Variants in CATSPERG observed in about 807,000 individuals in gnomAD.
CATSPERG encodes the protein catsper channel auxiliary subunit gamma.
A neutral mutation model predicts 145.0 loss-of-function variants in CATSPERG; 115 were observed. That is an observed-to-expected ratio of 0.79 (90% CI 0.68 to 0.93). The LOEUF (loss-of-function observed/expected upper bound fraction) is 0.93, where lower values mean the gene tolerates loss of function less well. Among genes scored for constraint, CATSPERG ranks in the 40% least tolerant of loss-of-function variants. The probability of loss-of-function intolerance (pLI) is 0.00; values close to 1 mark genes in which losing one functional copy is unlikely to be tolerated. For synonymous variants in CATSPERG, 588 were observed against 589.0 expected (o/e 1.00, Z 0.02); for missense variants, 1,296 against 1,490.1 (o/e 0.87, Z 2.14).
At chr19:38,346,661 G>A in intron 7 of CATSPERG, 56 bp downstream of exon 7, 1 of 1,483,854 alleles carries the variant, frequency 6.7e-7, no homozygotes, top group South Asian at 1.3e-5. Flanking sequence ...CTGGGCCTCA[G>A]CCCCTGAAAT....
intron 7 of CATSPERG, 57 bp downstream of exon 7, chr19:38,346,662 C>G: frequency 2.7e-6 from 4 of 1,477,774 alleles, no homozygotes; most frequent in Non-Finnish European, 3.7e-6. Flanking sequence ...TGGGCCTCAG[C>G]CCCTGAAATA....
intron 20 of CATSPERG, 151 bp downstream of exon 20, chr19:38,362,983 C>T (rs763308051): frequency 1.3e-5 from 8 of 620,412 alleles, no homozygotes; most frequent in African/African-American, 1.9e-5. Flanking sequence ...AGCGATCCTC[C>T]TCCCTCAACC....
chr19:38,359,546 C>T lies in CATSPERG; in HGVS notation c.1573C>T (p.Arg525Cys), dbSNP rs778201417. 1.9e-5 allele frequency: 31 copies of T among 1,613,540 alleles called. No homozygotes were observed. Among genetic ancestry groups the T allele is most frequent in the Non-Finnish European group, 2.5e-5 (29 of 1,179,720 alleles). The change falls in exon 14 of 29, where the codon CGT (arginine) becomes TGT (cysteine). Residue 525 changes from arginine (R) to cysteine (C), a missense_variant. Arg to Cys is a radical substitution (Grantham distance 180). Transcript: ENST00000409235. Reference sequence around the variant, plus strand: ...CATCAAATACATGGCCAGATCGTTCCGTGGGGCTGTGGCTATTGTCACAGA... The same window carrying T: ...CATCAAATACATGGCCAGATCGTTCTGTGGGGCTGTGGCTATTGTCACAGA... The part of the protein sequence containing the change: ...LSIKYMARSF[R>C]GAVAIVTETE...
chr19:38,337,678 T>A, intron 3 of CATSPERG, 32 bp downstream of exon 3: 2 of 1,521,278 alleles, frequency 1.3e-6, no homozygotes, highest in Non-Finnish European at 1.8e-6. Flanking sequence ...AGGCTCATTC[T>A]ATGAGCCTTG....
chr19:38,369,476 G>T lies in CATSPERG; in HGVS notation c.3021-496G>T, dbSNP rs1196411254. ...GGGTTTCACCATATTGGTCAGTCTG[G>T]TCTTGAACTCCTGACCTCAAGTGAT... is the stretch of plus-strand genomic sequence containing the variant. On this transcript the variant is annotated intron_variant, in intron 26 of 28. Transcript: ENST00000409235. The T allele has an allele frequency of 1.8e-5, 4 of 227,080 alleles. No homozygotes were observed. In the Admixed American group the frequency reaches 2.1e-4, roughly 12 times the overall value. 14.1% of individuals were successfully genotyped at this position (227,080 alleles called of 1,614,324 possible).
intron 1 of CATSPERG, 71 bp from the exon 2 acceptor site, chr19:38,337,150 C>G (rs1228192686): frequency 1.2e-5 from 18 of 1,506,680 alleles, no homozygotes; most frequent in Non-Finnish European, 1.5e-5. Flanking sequence ...GGCGCAGAAG[C>G]GAGGTGGAAT....
intron 18 of CATSPERG, 21 bp from the exon 19 acceptor site, chr19:38,362,355 C>T: frequency 1.9e-6 from 3 of 1,613,998 alleles, no homozygotes; most frequent in South Asian, 1.1e-5. Context: ...CTGACTCTGC[C>T]CCGCGCATCC....
At chr19:38,340,664 G>A (rs1261993865) in intron 3 of CATSPERG, among the ~76,000 whole-genome samples, 2 of 151,956 alleles carry the variant, frequency 1.3e-5, no homozygotes, top group African/African-American at 4.8e-5. Flanking sequence ...CTGTCACCCA[G>A]GCTGAAATGC....
chr19:38,359,052 G>T (rs569012221), intron 13 of CATSPERG, among the ~76,000 whole-genome samples: 2 of 152,156 alleles, frequency 1.3e-5, no homozygotes, highest in African/African-American at 4.8e-5. Flanking sequence ...GTTTCACCAT[G>T]TTGGGCAGGC....
intron 14 of CATSPERG, 114 bp from the exon 15 acceptor site, chr19:38,360,373 TGA>T: frequency 6.7e-7 from 1 of 1,484,126 alleles, no homozygotes; most frequent in Non-Finnish European, 8.9e-7. Context: ...CCAGTGGAGG[TGA>T]GTTTCCAAAC....
At chr19:38,368,009 C>A (rs1473203372) in intron 25 of CATSPERG, 39 bp from the exon 26 acceptor site, 1 of 1,587,170 alleles carries the variant, frequency 6.3e-7, no homozygotes, top group Non-Finnish European at 8.6e-7. Context: ...CCCTACACCG[C>A]CCCCCAACCC....
At chr19:38,360,266 G>A (rs1970321288) in intron 14 of CATSPERG, 1 of 985,262 alleles carries the variant, frequency 1.0e-6, no homozygotes. Context: ...ATTGAAAAAA[G>A]TGATCATAGT....
At chr19:38,347,539 G>T (rs1217888750) in intron 7 of CATSPERG, among the ~76,000 whole-genome samples, 1 of 152,220 alleles carries the variant, frequency 6.6e-6, no homozygotes, top group Non-Finnish European at 1.5e-5. Flanking sequence ...TAGGGAGGGA[G>T]TGTCTGAAGT....
At chr19:38,363,921 G>A (rs1055837504) in intron 20 of CATSPERG, among the ~76,000 whole-genome samples, 55 of 152,312 alleles carry the variant, frequency 3.6e-4, no homozygotes, top group African/African-American at 1.2e-3. Flanking sequence ...ACCCTTCCCC[G>A]CTTTCCACTC....
intron 3 of CATSPERG, among the ~76,000 whole-genome samples, chr19:38,338,244 G>T (rs1188974054): frequency 6.6e-6 from 1 of 151,856 alleles, no homozygotes; most frequent in Non-Finnish European, 1.5e-5. Flanking sequence ...CGCCTCCTGG[G>T]TTCACACCAT....
In CATSPERG at chr19:38,370,692, C is replaced by G. The variant is rs772848799; in HGVS notation, c.3380C>G (p.Pro1127Arg). Residue 1127 changes from proline to arginine, a missense_variant, in exon 29 of 29, where the codon CCG becomes CGG. By Grantham distance (103) the Pro-to-Arg change is moderately radical. Transcript: ENST00000409235. Reference protein sequence around the residue: ...YASISGISSMPSLRHSRMGSM... With the variant: ...YASISGISSMRSLRHSRMGSM... Reference sequence around the variant, plus strand: ...TCCATTTCCGGAATCTCGAGCATGCCGTCTCTGAGACATTCCAGGATGGGC... The same window carrying G: ...TCCATTTCCGGAATCTCGAGCATGCGGTCTCTGAGACATTCCAGGATGGGC... 7.4e-6 allele frequency: 12 copies of G among 1,613,922 alleles called. No individual in the cohort carries two copies. The East Asian group carries it at 2.7e-4, about 36-fold the overall frequency.
rs543683470 is a variant in CATSPERG at position 38,359,572 on chromosome 19, G to A, written c.1599G>A (p.Glu533=). 2.6e-5 allele frequency: 42 copies of A among 1,612,510 alleles called. No individual in the cohort carries two copies. In the East Asian group the frequency reaches 4.2e-4, roughly 16 times the overall value. The change falls in exon 14 of 29, where the codon GAG becomes GAA. Residue 533 remains glutamate, a synonymous_variant. Transcript: ENST00000409235. The stretch of plus-strand genomic sequence containing the variant: ...GTGGGGCTGTGGCTATTGTCACAGA[G>A]ACGGAGGAGGTGGGCTGCCCCGCCC... ...SFRGAVAIVT[E]TEEIWYLLEG...
intron 8 of CATSPERG, among the ~76,000 whole-genome samples, chr19:38,353,879 C>G (rs1217127722): frequency 1.3e-5 from 2 of 148,556 alleles, no homozygotes; most frequent in African/African-American, 5.0e-5. Context: ...GTACTCCCAG[C>G]TTCTCAGGAG....
chr19:38,352,572 C>A, intron 8 of CATSPERG, 140 bp downstream of exon 8: 1 of 780,672 alleles, frequency 1.3e-6, no homozygotes, highest in Non-Finnish European at 2.1e-6. Context: ...CCCTTGCCCA[C>A]CCCGAATGGG....
Sources: gnomAD v4.1 joint callset for allele counts (sites outside exome capture counted in the v4.1 genomes callset) on GRCh38, gnomAD v4.1.1 for gene constraint, MANE v1.5 for transcripts, NCBI Gene and HGNC (gene_info 2026-07-23, HGNC 2026-07-21) for gene names.